The following TBCK variants were observed in gnomAD, a reference collection of about 807,000 sequenced individuals.
TBCK encodes TBC domain-containing protein kinase-like protein.
A neutral mutation model predicts 113.4 loss-of-function variants in TBCK; 99 were observed. The observed-to-expected ratio is 0.87, with a 90% CI of 0.74 to 1.03. The LOEUF (loss-of-function observed/expected upper bound fraction) is 1.03. Ranked by LOEUF, TBCK falls within the 50% of genes least tolerant of loss-of-function variation. The pLI, the probability that TBCK is intolerant of heterozygous loss-of-function variation, is 0.00. For synonymous variants in TBCK, 369 were observed against 370.8 expected (o/e 1.00, Z 0.05); for missense variants, 1,045 against 1,061.3 (o/e 0.98, Z 0.21).
intron 25 of TBCK, among the ~76,000 whole-genome samples, chr4:106,068,280 T>C (rs956217671): frequency 5.3e-5 from 8 of 152,172 alleles, no homozygotes; most frequent in Non-Finnish European, 1.2e-4. Context: ...TAGGTATTTC[T>C]CCTAATGCTA....
intron 1 of TBCK, among the ~76,000 whole-genome samples, chr4:106,313,072 T>C (rs1579606503): frequency 6.6e-6 from 1 of 152,226 alleles, no homozygotes; most frequent in Admixed American, 6.5e-5. Flanking sequence ...TGTTTTAATA[T>C]GTATCAAATT....
chr4:106,134,572 A>G (rs1433673312), intron 23 of TBCK, among the ~76,000 whole-genome samples: 1 of 152,202 alleles, frequency 6.6e-6, no homozygotes, highest in African/African-American at 2.4e-5. Flanking sequence ...GACTTTGTGG[A>G]AAACACAGTA....
At chr4:106,211,934 A>G (rs1287065322) in intron 20 of TBCK, among the ~76,000 whole-genome samples, 4 of 152,096 alleles carry the variant, frequency 2.6e-5, no homozygotes, top group Non-Finnish European at 4.4e-5. Context: ...TTTTTTATCA[A>G]TAATTTTTAA....
chr4:106,249,996 A>T (rs1391550595), intron 7 of TBCK, among the ~76,000 whole-genome samples: 1 of 152,136 alleles, frequency 6.6e-6, no homozygotes, highest in East Asian at 1.9e-4. Flanking sequence ...ATGAAAATTC[A>T]TATGAGCCTT....
At chr4:106,231,672 A>C (rs1467660365) in intron 18 of TBCK, 57 bp downstream of exon 18, 2 of 1,506,266 alleles carry the variant, frequency 1.3e-6, no homozygotes, top group East Asian at 2.3e-5. Context: ...TTCATGTGTG[A>C]ATCAAATATT....
rs1184678868 is a variant in TBCK, at chr4:106,248,441, G to A, written c.721-135C>T. 3 of 605,576 alleles carry A rather than the reference G, an allele frequency of 5.0e-6. No individual in the cohort carries two copies. In the Admixed American group the frequency reaches 1.1e-4, roughly 23 times the overall value. The allele number at this position is 605,576 out of a possible 1,614,324, so 37.5% of individuals were successfully genotyped here. A position where few individuals can be genotyped will look rare whatever the true frequency, so the allele number is the denominator to read the frequency against. On this transcript the variant is annotated intron_variant, in intron 8 of 25. Transcript: ENST00000394708. ...TGTACTTTATACAAATTTAGTCACT[G>A]TGAAAAAGCAAATACTTAAAGAGAA...
chr4:106,293,212 C>T (rs1765907421), intron 3 of TBCK, among the ~76,000 whole-genome samples: 1 of 152,100 alleles, frequency 6.6e-6, no homozygotes, highest in African/African-American at 2.4e-5. Context: ...CAGAATATCC[C>T]AAGATTGGCA....
rs1733903216 is a variant in TBCK, at chr4:106,042,072, A to G, written c.*4498T>C. ...ACTCTTCACCATTAGTTTTCCACAT[A>G]AAATTGAAGTTGGTAGCTGTGAAGA... On this transcript the variant is annotated 3_prime_UTR_variant, in exon 26 of 26. Transcript: ENST00000394708. The G allele has an allele frequency of 6.6e-6, 1 of 152,210 alleles. No individual in the cohort carries two copies. Among genetic ancestry groups the G allele is most frequent in the African/African-American group, 2.4e-5 (1 of 41,448 alleles). 9.4% of individuals were successfully genotyped at this position (152,210 alleles called of 1,614,324 possible). A position where few individuals can be genotyped will look rare whatever the true frequency, so the allele number is the denominator to read the frequency against.
intron 24 of TBCK, among the ~76,000 whole-genome samples, chr4:106,113,346 C>T (rs1394077864): frequency 2.0e-5 from 3 of 152,196 alleles, no homozygotes; most frequent in Non-Finnish European, 4.4e-5. Context: ...CCCTGCAACA[C>T]TACTAGCACA....
intron 23 of TBCK, among the ~76,000 whole-genome samples, chr4:106,124,286 C>T (rs1744861627): frequency 6.6e-6 from 1 of 152,178 alleles, no homozygotes; most frequent in Non-Finnish European, 1.5e-5. Context: ...AAATGCAAAT[C>T]AAAACCACAA....
intron 4 of TBCK, among the ~76,000 whole-genome samples, chr4:106,261,622 A>G (rs1762516830): frequency 6.6e-6 from 1 of 152,094 alleles, no homozygotes; most frequent in African/African-American, 2.4e-5. Context: ...CCAGTAGAGA[A>G]ACAGCACTTC....
intron 25 of TBCK, among the ~76,000 whole-genome samples, chr4:106,071,072 A>G: frequency 6.6e-6 from 1 of 151,952 alleles, no homozygotes; most frequent in East Asian, 1.9e-4. Flanking sequence ...TGATTTTTTG[A>G]AAGGTTTTTT....
intron 12 of TBCK, among the ~76,000 whole-genome samples, chr4:106,238,428 G>A (rs1759714975): frequency 6.6e-6 from 1 of 151,990 alleles, no homozygotes; most frequent in Admixed American, 6.6e-5. Context: ...ATAAAACCAG[G>A]CCTAGAGAGA....
intron 3 of TBCK, among the ~76,000 whole-genome samples, chr4:106,291,738 T>G (rs1317834928): frequency 6.6e-6 from 1 of 152,218 alleles, no homozygotes; most frequent in African/African-American, 2.4e-5. Context: ...TGATCCTGCC[T>G]GCTGCTAAAG....
chr4:106,153,875 C>T (rs1297267653), intron 23 of TBCK, among the ~76,000 whole-genome samples: 1 of 151,742 alleles, frequency 6.6e-6, no homozygotes, highest in African/African-American at 2.4e-5. Context: ...AATATAGCTA[C>T]TCCAGCTCTT....
intron 25 of TBCK, among the ~76,000 whole-genome samples, chr4:106,063,462 G>A (rs1406214875): frequency 4.6e-5 from 7 of 151,920 alleles, no homozygotes; most frequent in Non-Finnish European, 8.8e-5. Flanking sequence ...GTTTAATACA[G>A]GGACAACACA....
intron 22 of TBCK, among the ~76,000 whole-genome samples, chr4:106,179,958 G>C (rs948395458): frequency 3.3e-5 from 5 of 151,814 alleles, no homozygotes; most frequent in Non-Finnish European, 5.9e-5. Context: ...ATATCCTCTT[G>C]CTATATTGAC....
rs893709630 is a variant in TBCK at position 106,252,086 on chromosome 4, G to C, written c.456-79C>G. ...TACATTTTTACAATCAATGTGGTAA[G>C]ATCTATGTAAAAGTCTCATGCAATT... On this transcript the variant is annotated intron_variant, in intron 5 of 25. Coordinates refer to ENST00000394708, the MANE Select transcript of TBCK (RefSeq NM_001163435.3). The C allele has an allele frequency of 8.1e-5, 98 of 1,205,640 alleles. 2 individuals carry two copies. The South Asian group carries it at 1.7e-3, about 21-fold the overall frequency. The allele number at this position is 1,205,640 out of a possible 1,614,324, so 74.7% of individuals were successfully genotyped here.
chr4:106,295,987 C>T (rs1341267214), intron 2 of TBCK, among the ~76,000 whole-genome samples: 1 of 152,070 alleles, frequency 6.6e-6, no homozygotes. Context: ...GCAGTCCAAA[C>T]CCATGTTGTT....
Sources: allele counts gnomAD v4.1 joint callset (sites outside exome capture counted in the v4.1 genomes callset), GRCh38; gene constraint gnomAD v4.1.1; transcripts MANE v1.5; gene names NCBI Gene and HGNC (gene_info 2026-07-23, HGNC 2026-07-21).